LAMA5: variants seen among roughly 807,000 people sequenced by gnomAD.
LAMA5 encodes the protein laminin subunit alpha-5.
Under a neutral mutation model 433.4 loss-of-function variants are expected in LAMA5, and 260 were observed. The ratio of observed to expected loss-of-function variants is 0.60; its 90% CI spans 0.54 to 0.66. The LOEUF is 0.66. Ranked by LOEUF, LAMA5 falls within the 30% of genes least tolerant of loss-of-function variation. The pLI is 0.00. For synonymous variants in LAMA5, 2,620 were observed against 2,226.6 expected, an observed-to-expected ratio of 1.18 and a Z score of -4.97; for missense variants, 5,378 against 5,258.5, an observed-to-expected ratio of 1.02 and a Z score of -0.70.
At chr20:62,345,998 C>T (rs948673667) in intron 10 of LAMA5, 83 bp downstream of exon 10, 12 of 1,591,840 alleles carry the variant, frequency 7.5e-6, no homozygotes, top group Admixed American at 1.7e-5. Flanking sequence ...TGGTCCATCC[C>T]GGGGAACCCC....
intron 20 of LAMA5, 94 bp downstream of exon 20, chr20:62,334,927 C>T: frequency 1.6e-6 from 2 of 1,218,436 alleles, no homozygotes; most frequent in African/African-American, 1.5e-5. Flanking sequence ...CTTCATGCTG[C>T]CCAGGCTGCA....
At position 62,328,944 on chromosome 20, in the gene LAMA5, C is replaced by T. The variant is rs758021662; in HGVS notation, c.4347G>A (p.Thr1449=). Residue 1449 remains threonine (T), a synonymous_variant, in exon 34 of 80, where the codon ACG becomes ACA. Transcript: ENST00000252999. ...GACACTGGCCCCCGAAGGGCTCACA[C>T]GTGGGGCCTGTAGCACCTACTTCGT... ...GCHEVGATGP[T]CEPFGGQCPC... 1.2e-4 allele frequency: 189 copies of T among 1,611,978 alleles called. No homozygotes were observed. Among genetic ancestry groups the T allele is most frequent in the Non-Finnish European group, 1.5e-4 (182 of 1,179,498 alleles).
rs866991511 is a variant in LAMA5 at position 62,327,609 on chromosome 20, C to A, written c.4858G>T (p.Ala1620Ser). Reference sequence around the variant, plus strand: ...CAGCGGGTGCAACCTTTGGGGTTGGCAGCATCCAGTGAGAAGGTCCCAAGG... The same window carrying A: ...CAGCGGGTGCAACCTTTGGGGTTGGAAGCATCCAGTGAGAAGGTCCCAAGG... ...CSLGTFSLDAANPKGCTRCFC... is the reference protein window; with the variant it reads ...CSLGTFSLDASNPKGCTRCFC... Residue 1620 changes from alanine to serine, a missense_variant, in exon 37 of 80, where the codon GCC becomes TCC. Physicochemically the swap from Ala to Ser is moderately conservative, Grantham distance 99. Coordinates refer to ENST00000252999, the MANE Select transcript of LAMA5 (RefSeq NM_005560.6). 7.4e-6 allele frequency: 12 copies of A among 1,613,082 alleles called. No individual in the cohort carries two copies. Among genetic ancestry groups the A allele is most frequent in the African/African-American group, 1.3e-5 (1 of 75,044 alleles).
rs960060680 is a variant in LAMA5, at chr20:62,333,374, C to T, written c.3128+1G>A. On this transcript the variant is annotated splice_donor_variant, in intron 25 of 79. Coordinates refer to ENST00000252999, the MANE Select transcript of LAMA5 (RefSeq NM_005560.6). LOFTEE classifies it high-confidence loss of function. ...GGTCCCACCGCACGCATGGCCCTCA[C>T]TTGTCGCCAGACTGCTGGGCAGAGG... The T allele has an allele frequency of 6.2e-7, 1 of 1,611,684 alleles. No homozygotes were observed. Among genetic ancestry groups the T allele is most frequent in the Non-Finnish European group, 8.5e-7 (1 of 1,179,710 alleles).
In LAMA5 at chr20:62,318,901, G is replaced by GGCCC. The variant is rs1324582772; in HGVS notation, c.6980_6983dup (p.Arg2329GlyfsTer12). ...CTGCCTGCGGGGCCCCCAGGTCCCG[G>GGCCC]GCCCGCATCTCCCAGAGCAGCCGCT... is the stretch of plus-strand genomic sequence containing the variant. On this transcript the variant is annotated frameshift_variant, in exon 52 of 80. Coordinates refer to ENST00000252999, the MANE Select transcript of LAMA5 (RefSeq NM_005560.6). LOFTEE classifies it high-confidence loss of function. 6.2e-7 allele frequency: 1 copy of GGCCC among 1,605,918 alleles called. No homozygotes were observed. Among genetic ancestry groups the GGCCC allele is most frequent in the Non-Finnish European group, 8.5e-7 (1 of 1,178,294 alleles).
chr20:62,329,358 G>GGCA (rs1310108938), intron 32 of LAMA5, 105 bp from the exon 33 acceptor site: 1 of 818,880 alleles, frequency 1.2e-6, no homozygotes, highest in African/African-American at 1.8e-5. Context: ...TCAGAGTCCT[G>GGCA]GCAGCAGCAG....
chr20:62,339,220 AATTATAG>A (rs1450035203), intron 11 of LAMA5, among the ~76,000 whole-genome samples: 1 of 148,660 alleles, frequency 6.7e-6, no homozygotes, highest in Non-Finnish European at 1.5e-5. Context: ...CTGCAAAACA[AATTATAG>A]TTTCTTTTTT....
At chr20:62,309,939 G>T in intron 78 of LAMA5, 49 bp downstream of exon 78, 2 of 1,606,034 alleles carry the variant, frequency 1.2e-6, no homozygotes, top group Non-Finnish European at 8.5e-7. Context: ...CTCCCGCTCT[G>T]CAGAAGGGTG....
intron 1 of LAMA5, among the ~76,000 whole-genome samples, chr20:62,365,341 C>G (rs541205082): frequency 4.6e-5 from 7 of 152,364 alleles, no homozygotes; most frequent in African/African-American, 1.7e-4. Context: ...ATTTTAAAGA[C>G]AGCTTGAGGC....
chr20:62,317,326 T>A lies in LAMA5; in HGVS notation c.7511+19A>T. 1.3e-6 allele frequency: 2 copies of A among 1,594,368 alleles called. No individual in the cohort carries two copies. Among genetic ancestry groups the A allele is most frequent in the Non-Finnish European group, 1.7e-6 (2 of 1,172,900 alleles). On this transcript the variant is annotated intron_variant, in intron 55 of 79. Coordinates refer to ENST00000252999, the MANE Select transcript of LAMA5 (RefSeq NM_005560.6). Reference sequence around the variant, plus strand: ...ATCCCCAGGGTGGGCCCAGGGCCCCTCCTCTCCTGGCCACCCACCTGGACA... The same window carrying A: ...ATCCCCAGGGTGGGCCCAGGGCCCCACCTCTCCTGGCCACCCACCTGGACA...
chr20:62,329,927 G>T lies in LAMA5; in HGVS notation c.3980-11C>A. The T allele has an allele frequency of 1.9e-6, 3 of 1,609,728 alleles. No homozygotes were observed. The highest frequency in any genetic ancestry group is 2.5e-6 in the Non-Finnish European group (3 of 1,179,450). On this transcript the variant is annotated splice_polypyrimidine_tract_variant and intron_variant, in intron 31 of 79. Transcript: ENST00000252999. ...TGGCGTTGGCGTGGCCTGGGCGGGG[G>T]AGAAAGGCAGGGTCAGGCCCCCATC...
chr20:62,345,212 A>T (rs1197401924), intron 11 of LAMA5, among the ~76,000 whole-genome samples: 41 of 151,906 alleles, frequency 2.7e-4, no homozygotes, highest in Admixed American at 2.7e-3. Flanking sequence ...CATGTTAGCC[A>T]GGCTGGCCTT....
At chr20:62,340,016 GGA>G (rs1568956230) in intron 11 of LAMA5, among the ~76,000 whole-genome samples, 1 of 152,206 alleles carries the variant, frequency 6.6e-6, no homozygotes, top group East Asian at 1.9e-4. Flanking sequence ...GAGCTGGGGT[GGA>G]CGCAAACACA....
In LAMA5 at chr20:62,337,867, C is replaced by T. The variant is rs146016203; in HGVS notation, c.1963G>A (p.Gly655Ser). 2.1e-5 allele frequency: 34 copies of T among 1,612,522 alleles called. No homozygotes were observed. The highest frequency in any genetic ancestry group is 3.3e-4 in the Middle Eastern group (2 of 6,082). The change falls in exon 15 of 80, where the codon GGC becomes AGC. Residue 655 changes from glycine (G) to serine (S), a missense_variant. Physicochemically the swap from Gly to Ser is moderately conservative, Grantham distance 56 (BLOSUM62 0). Coordinates refer to ENST00000252999, the MANE Select transcript of LAMA5 (RefSeq NM_005560.6). ...GAGGLCRCRP[G>S]YTGTACQECS... ...TCCTGGCAGGCAGTGCCTGTGTAGC[C>T]GGGGCGGCAGCGGCACAAACCTCCC...
chr20:62,335,662 G>T (rs1273900919), intron 18 of LAMA5, among the ~76,000 whole-genome samples: 1 of 92,310 alleles, frequency 1.1e-5, no homozygotes, highest in African/African-American at 4.4e-5. Flanking sequence ...GCACACTCAC[G>T]GGTGCAGCCC....
intron 1 of LAMA5, among the ~76,000 whole-genome samples, chr20:62,364,397 C>T (rs1986492018): frequency 6.6e-6 from 1 of 152,156 alleles, no homozygotes; most frequent in Non-Finnish European, 1.5e-5. Flanking sequence ...GGTTGCGGGT[C>T]AAGGGTCAGC....
chr20:62,349,485 G>A (rs1410639800), intron 6 of LAMA5, among the ~76,000 whole-genome samples: 1 of 151,092 alleles, frequency 6.6e-6, no homozygotes, highest in African/African-American at 2.4e-5. Context: ...TTTCTCCAAA[G>A]TGCTGAGAGA....
chr20:62,327,118 C>A, intron 38 of LAMA5, 115 bp downstream of exon 38: 1 of 1,180,552 alleles, frequency 8.5e-7, no homozygotes, highest in Non-Finnish European at 1.2e-6. Context: ...TGGGCACCCT[C>A]ACGGACCCCC....
In LAMA5 at chr20:62,309,923, G is replaced by A. The variant is rs550948935; in HGVS notation, c.10828+65C>T. The A allele has an allele frequency of 1.0e-5, 16 of 1,604,642 alleles. No individual in the cohort carries two copies. Among genetic ancestry groups the A allele is most frequent in the South Asian group, 7.7e-5 (7 of 90,842 alleles). On this transcript the variant is annotated intron_variant, in intron 78 of 79. Coordinates refer to ENST00000252999, the MANE Select transcript of LAMA5 (RefSeq NM_005560.6). Reference sequence around the variant, plus strand: ...AAGAAGCCACCCCACCCAGAGTCCCGCCTGGCTCCCGCTCTGCAGAAGGGT... The same window carrying A: ...AAGAAGCCACCCCACCCAGAGTCCCACCTGGCTCCCGCTCTGCAGAAGGGT...
Sources: allele counts gnomAD v4.1 joint callset (sites outside exome capture counted in the v4.1 genomes callset), GRCh38; gene constraint gnomAD v4.1.1; transcripts MANE v1.5; gene names NCBI Gene and HGNC (gene_info 2026-07-23, HGNC 2026-07-21).